The following DNAH7 variants were observed in gnomAD, a reference collection of about 807,000 sequenced individuals.
DNAH7 encodes dynein axonemal heavy chain 7, also known as axonemal beta dynein heavy chain 7.
In DNAH7, 397 loss-of-function variants were observed where a neutral mutation model predicts 444.6. The observed-to-expected ratio is 0.89, with a 90% CI of 0.82 to 0.97. The LOEUF is 0.97. DNAH7 is among the 50% of genes least tolerant of loss of function. The probability of loss-of-function intolerance (pLI) is 0.00; values close to 1 mark genes in which losing one functional copy is unlikely to be tolerated. For synonymous variants in DNAH7, 1,636 were observed against 1,624.4 expected, an observed-to-expected ratio of 1.01 and a Z score of -0.17; for missense variants, 4,902 against 4,800.8, an observed-to-expected ratio of 1.02 and a Z score of -0.62.
At chr2:195,968,211 G>A (rs1453746562) in intron 17 of DNAH7, among the ~76,000 whole-genome samples, 2 of 152,108 alleles carry the variant, frequency 1.3e-5, no homozygotes, top group Non-Finnish European at 2.9e-5. Context: ...TCCCAGTGTG[G>A]CTGAGTTGGT....
chr2:195,940,546 G>C (rs932015466), intron 19 of DNAH7, among the ~76,000 whole-genome samples: 3 of 152,000 alleles, frequency 2.0e-5, no homozygotes, highest in African/African-American at 7.2e-5. Flanking sequence ...TTAAACTAAA[G>C]AGCTTCTGCA....
chr2:195,804,184 CTT>C (rs1361599600), intron 54 of DNAH7, among the ~76,000 whole-genome samples: 6 of 152,174 alleles, frequency 3.9e-5, no homozygotes, highest in Admixed American at 1.3e-4. Flanking sequence ...GAAATAAACT[CTT>C]ATAGAGTACT....
rs200424345 is a variant in DNAH7 at position 195,816,690 on chromosome 2, C to G, written c.9699G>C (p.Trp3233Cys). 3 of 1,614,054 alleles carry G rather than the reference C, an allele frequency of 1.9e-6. No homozygotes were observed. Among genetic ancestry groups the G allele is most frequent in the Non-Finnish European group, 2.5e-6 (3 of 1,179,998 alleles). ...TAGACAGGATGAAAAGGTTAATAAACCAGGTCAGTGAATACTGGTACATGG... is the reference window on the plus strand; with the variant it reads ...TAGACAGGATGAAAAGGTTAATAAAGCAGGTCAGTGAATACTGGTACATGG... ...IEPMYQYSLT[W>C]FINLFILSIE... Residue 3233 changes from tryptophan (W) to cysteine (C), a missense_variant, in exon 51 of 65, where the codon TGG (tryptophan) becomes TGC (cysteine). By Grantham distance (215) the Trp-to-Cys change is radical. Transcript: ENST00000312428.
intron 63 of DNAH7, among the ~76,000 whole-genome samples, chr2:195,747,202 C>G (rs142838290): frequency 0.48 from 73,001 of 151,094 alleles, 18,770 homozygotes; most frequent in Non-Finnish European, 0.59. Context: ...AAACTACCAT[C>G]AGAGAATACT....
At chr2:195,941,978 A>G (rs1307244862) in intron 19 of DNAH7, among the ~76,000 whole-genome samples, 1 of 152,008 alleles carries the variant, frequency 6.6e-6, no homozygotes, top group African/African-American at 2.4e-5. Context: ...ACAAACATTT[A>G]CCAAGGGCTA....
At chr2:196,066,895 C>T (rs1698456740) in intron 1 of DNAH7, among the ~76,000 whole-genome samples, 2 of 152,112 alleles carry the variant, frequency 1.3e-5, no homozygotes, top group South Asian at 4.1e-4. Context: ...TTCATCCTTC[C>T]AAAGGAAAGC....
Position 195,830,850 on chromosome 2 carries a change from T to C in DNAH7, c.9100+3356A>G, listed in dbSNP as rs543750373. Among the ~76,000 whole-genome samples, 7 of 152,318 alleles carry C rather than the reference T, an allele frequency of 4.6e-5. No homozygotes were observed. In the South Asian group the frequency reaches 1.2e-3, roughly 27 times the overall value. On this transcript the variant is annotated intron_variant, in intron 48 of 64. Coordinates refer to ENST00000312428, the MANE Select transcript of DNAH7 (RefSeq NM_018897.3). ...CTGCCCCTTTAACCTATAAGCTTCA[T>C]GAAACTAAAGACTGAGTCTGTCTTA...
At chr2:196,040,578 C>T (rs1696675125) in intron 5 of DNAH7, among the ~76,000 whole-genome samples, 1 of 151,978 alleles carries the variant, frequency 6.6e-6, no homozygotes, top group South Asian at 2.1e-4. Flanking sequence ...TACCACAAAA[C>T]AATAAAGGCC....
At chr2:195,906,449 CTTTCT>C (rs1379061140) in intron 27 of DNAH7, among the ~76,000 whole-genome samples, 2 of 129,116 alleles carry the variant, frequency 1.5e-5, no homozygotes, top group African/African-American at 6.4e-5. Context: ...TATTTTCTTT[CTTTCT>C]TTTTTTTTTT....
chr2:195,952,719 A>G (rs1690349505), intron 19 of DNAH7, among the ~76,000 whole-genome samples: 1 of 151,792 alleles, frequency 6.6e-6, no homozygotes, highest in Non-Finnish European at 1.5e-5. Context: ...TACTAGATCA[A>G]TTTGGCTATT....
chr2:195,757,385 G>A (rs931212975), intron 61 of DNAH7, among the ~76,000 whole-genome samples: 2 of 152,260 alleles, frequency 1.3e-5, no homozygotes, highest in South Asian at 4.1e-4. Context: ...ACTGATGCAC[G>A]GATGTTAAAA....
rs376420016 is a variant in DNAH7, at chr2:195,910,058, A to G, written c.4073T>C (p.Leu1358Ser). 1.7e-5 allele frequency: 27 copies of G among 1,613,156 alleles called. 1 individual carries two copies. Among genetic ancestry groups the G allele is most frequent in the Non-Finnish European group, 2.2e-5 (26 of 1,179,634 alleles). Residue 1358 changes from leucine (L) to serine (S), a missense_variant, in exon 25 of 65, where the codon TTG becomes TCG. Coordinates refer to ENST00000312428, the MANE Select transcript of DNAH7 (RefSeq NM_018897.3). ...QCVVFNCSDG[L>S]DYLALGKFFK... ...GAATTTTCCCAAAGCCAAATAATCC[A>G]ACCCATCAGAGCAGTTGAAAACAAC...
chr2:195,906,410 A>AACACACACAC (rs150739355), intron 27 of DNAH7, among the ~76,000 whole-genome samples: 7,756 of 139,754 alleles, frequency 0.055, 280 homozygotes, highest in African/African-American at 0.11. Flanking sequence ...TACACACAGA[A>AACACACACAC]ACACACACAC....
At chr2:195,996,189 A>G (rs892740435) in intron 12 of DNAH7, among the ~76,000 whole-genome samples, 4 of 152,170 alleles carry the variant, frequency 2.6e-5, no homozygotes, top group African/African-American at 9.7e-5. Context: ...TAGATCAAAG[A>G]AAGACTACTT....
At chr2:196,018,342 T>C (rs1346387614) in intron 9 of DNAH7, among the ~76,000 whole-genome samples, 2 of 152,056 alleles carry the variant, frequency 1.3e-5, no homozygotes, top group African/African-American at 4.8e-5. Context: ...GTATCAAACA[T>C]TTCTGGAAAA....
At position 195,828,825 on chromosome 2, in the gene DNAH7, TGTTG is replaced by T. The variant is rs1224437067; in HGVS notation, c.9101-4384_9101-4381del. Among the ~76,000 whole-genome samples, 3 of 152,060 alleles carry T rather than the reference TGTTG, an allele frequency of 2.0e-5. No homozygotes were observed. In the East Asian group the frequency reaches 5.8e-4, roughly 29 times the overall value. On this transcript the variant is annotated intron_variant, in intron 48 of 64. Coordinates refer to ENST00000312428, the MANE Select transcript of DNAH7 (RefSeq NM_018897.3). ...TTGCTGGTGTGATGTATCATTTTTC[TGTTG>T]GTTATAAGGTTTAATTTATAGTGCA...
chr2:195,741,898 G>A (rs961651418), intron 63 of DNAH7, among the ~76,000 whole-genome samples: 1 of 152,126 alleles, frequency 6.6e-6, no homozygotes, highest in Non-Finnish European at 1.5e-5. Context: ...TGTGGCTGGT[G>A]TGACCAAATA....
chr2:195,740,711 ATATAAAATATG>A lies in DNAH7; in HGVS notation c.11868+44_11868+54del, dbSNP rs1692978767. On this transcript the variant is annotated intron_variant, in intron 64 of 64. Transcript: ENST00000312428. The stretch of plus-strand genomic sequence containing the variant: ...ATATGGGGTCTATTTTATATATAAT[ATATAAAATATG>A]TATAAAATAATTCCACATGTATATA... 9 of 669,316 alleles carry A rather than the reference ATATAAAATATG, an allele frequency of 1.3e-5. No homozygotes were observed. In the South Asian group the frequency reaches 3.3e-4, roughly 24 times the overall value. The allele number at this position is 669,316 out of a possible 1,614,324, so 41.5% of individuals were successfully genotyped here.
chr2:196,049,644 T>G (rs1177941616), intron 3 of DNAH7, among the ~76,000 whole-genome samples: 1 of 152,212 alleles, frequency 6.6e-6, no homozygotes, highest in Non-Finnish European at 1.5e-5. Context: ...GAAAATATGA[T>G]TTCCCTTAAA....
Sources: gnomAD v4.1 joint callset for allele counts (sites outside exome capture counted in the v4.1 genomes callset) on GRCh38, gnomAD v4.1.1 for gene constraint, MANE v1.5 for transcripts, NCBI Gene and HGNC (gene_info 2026-07-23, HGNC 2026-07-21) for gene names.